Variants in ROS1 observed in about 807,000 individuals in gnomAD.
ROS1 encodes the protein ROS proto-oncogene 1, receptor tyrosine kinase.
ROS1 carries 263 observed loss-of-function variants against 273.5 expected under a neutral mutation model. The ratio of observed to expected loss-of-function variants is 0.96; its 90% CI spans 0.87 to 1.06. ROS1 has a LOEUF of 1.06. Among genes scored for constraint, ROS1 ranks in the 50% least tolerant of loss-of-function variants. The pLI is 0.00. For synonymous variants in ROS1, 1,008 were observed against 954.1 expected, an observed-to-expected ratio of 1.06 and a Z score of -1.04; for missense variants, 2,833 against 2,751.1, an observed-to-expected ratio of 1.03 and a Z score of -0.67.
intron 40 of ROS1, 76 bp from the exon 41 acceptor site, chr6:117,310,357 T>C (rs968564301): frequency 1.1e-5 from 12 of 1,087,324 alleles, no homozygotes; most frequent in Non-Finnish European, 1.4e-5. Flanking sequence ...GTAGCCCTAG[T>C]AGGTCTGTAA....
At chr6:117,419,365 G>A (rs1384992177) in intron 1 of ROS1, among the ~76,000 whole-genome samples, 1 of 152,154 alleles carries the variant, frequency 6.6e-6, no homozygotes, top group African/African-American at 2.4e-5. Flanking sequence ...AATATTGTGT[G>A]GGTTGACTTG....
intron 18 of ROS1, among the ~76,000 whole-genome samples, chr6:117,373,370 G>A (rs759666051): frequency 2.0e-4 from 31 of 152,362 alleles, no homozygotes; most frequent in Non-Finnish European, 3.1e-4. Context: ...CTCGGGCTGC[G>A]CGGAAGCCCA....
At chr6:117,300,194 G>A (rs560314318) in intron 43 of ROS1, among the ~76,000 whole-genome samples, 150 of 142,506 alleles carry the variant, frequency 1.1e-3, no homozygotes, top group African/African-American at 3.8e-3. Context: ...CTCATGATCC[G>A]CCCGCCTCGG....
At chr6:117,364,623 T>A (rs1185407903) in intron 21 of ROS1, among the ~76,000 whole-genome samples, 1 of 152,250 alleles carries the variant, frequency 6.6e-6, no homozygotes, top group African/African-American at 2.4e-5. Context: ...ACACATGTAA[T>A]GATATGGCTA....
At chr6:117,303,487 A>G (rs1194440229) in intron 42 of ROS1, among the ~76,000 whole-genome samples, 3 of 152,154 alleles carry the variant, frequency 2.0e-5, no homozygotes, top group African/African-American at 7.2e-5. Flanking sequence ...TGGGGAAAGC[A>G]TGTGTAAAGT....
rs1179127158 is a variant in ROS1 at position 117,360,359 on chromosome 6, A to C, written c.3413T>G (p.Val1138Gly). The C allele has an allele frequency of 6.2e-7, 1 of 1,613,326 alleles. No individual in the cohort carries two copies. Among genetic ancestry groups the C allele is most frequent in the Non-Finnish European group, 8.5e-7 (1 of 1,179,702 alleles). Residue 1138 changes from valine to glycine, a missense_variant, in exon 23 of 44, where the codon GTA becomes GGA. Physicochemically the swap from Val to Gly is moderately radical, Grantham distance 109 (BLOSUM62 -3). Coordinates refer to ENST00000368507, the MANE Select transcript of ROS1 (RefSeq NM_001378902.1). ...SKGPGPYADV[V>G]KSTTSEINPF... ...ACAAATACCTGATGTTGTAGACTTT[A>C]CAACGTCAGCATATGGTCCTGGCCC...
intron 18 of ROS1, among the ~76,000 whole-genome samples, chr6:117,372,426 A>C (rs1210115183): frequency 6.6e-6 from 1 of 152,224 alleles, no homozygotes; most frequent in Non-Finnish European, 1.5e-5. Context: ...AATGTACACA[A>C]AACAATAGCA....
intron 31 of ROS1, among the ~76,000 whole-genome samples, chr6:117,339,453 A>T (rs891696372): frequency 6.6e-6 from 1 of 152,142 alleles, no homozygotes; most frequent in South Asian, 2.1e-4. Context: ...TAAAGAGACA[A>T]ATATTCTCTT....
rs1562262385 is a variant in ROS1, at chr6:117,314,310, CA to C, written c.6117+2832del. ...ACAAAGCATTCTGGAAGAGGGAAAG[CA>C]GATGGAGGAGTGGTAATTTAGCAGA... On this transcript the variant is annotated intron_variant, in intron 39 of 43. Transcript: ENST00000368507. 3.9e-5 allele frequency among the ~76,000 whole-genome samples: 6 copies of C among 152,142 alleles called. No individual in the cohort carries two copies. The East Asian group carries it at 1.2e-3, about 30-fold the overall frequency.
At chr6:117,418,015 C>T (rs1775462761) in intron 2 of ROS1, among the ~76,000 whole-genome samples, 1 of 152,160 alleles carries the variant, frequency 6.6e-6, no homozygotes, top group Non-Finnish European at 1.5e-5. Flanking sequence ...AACAGAGACC[C>T]TATTTTTTTC....
chr6:117,416,460 A>C, intron 2 of ROS1, 143 bp from the exon 3 acceptor site: 1 of 638,552 alleles, frequency 1.6e-6, no homozygotes, highest in East Asian at 2.7e-5. Context: ...GGCCTCCAAA[A>C]GATCCAGGAT....
chr6:117,366,940 A>G (rs920993058), intron 18 of ROS1, among the ~76,000 whole-genome samples: 2 of 152,204 alleles, frequency 1.3e-5, no homozygotes, highest in African/African-American at 4.8e-5. Flanking sequence ...TCATTACTTC[A>G]TTAGTTCAGA....
intron 7 of ROS1, 123 bp downstream of exon 7, chr6:117,403,016 C>A: frequency 9.5e-7 from 1 of 1,056,822 alleles, no homozygotes. Flanking sequence ...TAGTTATGTA[C>A]CCAGTTGTTG....
intron 36 of ROS1, among the ~76,000 whole-genome samples, chr6:117,320,747 C>T (rs1355018013): frequency 6.6e-6 from 1 of 152,108 alleles, no homozygotes; most frequent in African/African-American, 2.4e-5. Context: ...TTCCTTTTTG[C>T]ATAGATCCTA....
chr6:117,389,613 A>T lies in ROS1; in HGVS notation c.1523T>A (p.Val508Glu). The change falls in exon 13 of 44, where the codon GTG becomes GAG. Residue 508 changes from valine to glutamate, a missense_variant. Val to Glu is a moderately radical substitution (Grantham distance 121, BLOSUM62 -2). Transcript: ENST00000368507. ...ATTGTTTTCACAAGCAAAACTTTTCACATCAGCAAAGGGGATGCGAGGTAG... is the reference window on the plus strand; with the variant it reads ...ATTGTTTTCACAAGCAAAACTTTTCTCATCAGCAAAGGGGATGCGAGGTAG... ...LILPRIPFAD[V>E]KSFACENNDF... is the part of the protein sequence containing the mutation. The T allele has an allele frequency of 6.2e-7, 1 of 1,614,256 alleles. No individual in the cohort carries two copies. The highest frequency in any genetic ancestry group is 8.5e-7 in the Non-Finnish European group (1 of 1,180,040).
chr6:117,408,113 G>A (rs1176329497), intron 5 of ROS1, among the ~76,000 whole-genome samples: 1 of 151,714 alleles, frequency 6.6e-6, no homozygotes, highest in African/African-American at 2.4e-5. Flanking sequence ...AAAAACCCTA[G>A]AAGAAAACCT....
Position 117,337,344 on chromosome 6 carries a change from G to T in ROS1, c.5062-4C>A. On this transcript the variant is annotated splice_region_variant and splice_polypyrimidine_tract_variant and intron_variant, in intron 31 of 43. Transcript: ENST00000368507. ...GGTAAAACTCATTGTATTTCCACTA[G>T]AAAAAGAAGTCTCGATTAATATTTT... 1 of 1,582,692 alleles carries T rather than the reference G, an allele frequency of 6.3e-7. No individual in the cohort carries two copies. The highest frequency in any genetic ancestry group is 1.2e-5 in the South Asian group (1 of 84,682).
chr6:117,325,729 G>C (rs189253667), intron 34 of ROS1, among the ~76,000 whole-genome samples: 1 of 152,226 alleles, frequency 6.6e-6, no homozygotes, highest in East Asian at 1.9e-4. Context: ...TTACTGAGTA[G>C]AGGGAAAAAT....
intron 17 of ROS1, among the ~76,000 whole-genome samples, chr6:117,380,778 C>T (rs1582796652): frequency 6.6e-6 from 1 of 152,050 alleles, no homozygotes; most frequent in African/African-American, 2.4e-5. Context: ...TAAACTAAAA[C>T]CCTTATGCTA....
Sources: gnomAD v4.1 joint callset for allele counts (sites outside exome capture counted in the v4.1 genomes callset) on GRCh38, gnomAD v4.1.1 for gene constraint, MANE v1.5 for transcripts, NCBI Gene and HGNC (gene_info 2026-07-23, HGNC 2026-07-21) for gene names.